Variants in CEMIP observed in about 807,000 individuals in gnomAD.
CEMIP encodes the protein cell migration-inducing and hyaluronan-binding protein.
A neutral mutation model predicts 156.9 loss-of-function variants in CEMIP; 105 were observed. The ratio of observed to expected loss-of-function variants is 0.67; its 90% confidence interval spans 0.57 to 0.79. The LOEUF (loss-of-function observed/expected upper bound fraction) is 0.79. Among genes scored for constraint, CEMIP ranks in the 30% least tolerant of loss-of-function variants. The pLI, the probability that CEMIP is intolerant of heterozygous loss-of-function variation, is 0.00. For synonymous variants in CEMIP, 676 were observed against 668.4 expected (o/e 1.01, Z -0.17); for missense variants, 1,457 against 1,769.4 (o/e 0.82, Z 3.17).
intron 1 of CEMIP, among the ~76,000 whole-genome samples, chr15:80,866,622 AAT>A (rs1898134799): frequency 6.7e-6 from 1 of 148,158 alleles, no homozygotes; most frequent in South Asian, 2.1e-4. Context: ...TAAATAAATA[AAT>A]AAATAAATAA....
At chr15:80,915,823 G>T (rs978002454) in intron 14 of CEMIP, among the ~76,000 whole-genome samples, 1 of 136,354 alleles carries the variant, frequency 7.3e-6, no homozygotes, top group African/African-American at 2.5e-5. Context: ...GTTTTAATCT[G>T]CATATTCAAA....
At chr15:80,837,109 C>G (rs1897286995) in intron 1 of CEMIP, among the ~76,000 whole-genome samples, 1 of 152,186 alleles carries the variant, frequency 6.6e-6, no homozygotes, top group Non-Finnish European at 1.5e-5. Flanking sequence ...GTGTCTGGCC[C>G]CCAGCACAGG....
chr15:80,807,579 T>G (rs1896545286), intron 1 of CEMIP, among the ~76,000 whole-genome samples: 1 of 152,128 alleles, frequency 6.6e-6, no homozygotes, highest in African/African-American at 2.4e-5. Context: ...AAAGACAGAT[T>G]GGATCCAAAT....
At chr15:80,907,434 C>T (rs893308281) in intron 13 of CEMIP, among the ~76,000 whole-genome samples, 1 of 152,136 alleles carries the variant, frequency 6.6e-6, no homozygotes, top group Non-Finnish European at 1.5e-5. Context: ...TGGTGGCGGG[C>T]GCCTGTAATC....
rs141181006 is a variant in CEMIP, at chr15:80,869,189, A to G, written c.-175-4349A>G. Reference sequence around the variant, plus strand: ...CTCTTCTTATGAGGACACCAGTCATATTGGATTAGGGCCCACCCGTATGAC... The same window carrying G: ...CTCTTCTTATGAGGACACCAGTCATGTTGGATTAGGGCCCACCCGTATGAC... On this transcript the variant is annotated intron_variant, in intron 1 of 29. Coordinates refer to ENST00000394685, the MANE Select transcript of CEMIP (RefSeq NM_001293298.2). Among the ~76,000 whole-genome samples the G allele has an allele frequency of 3.8e-3, 575 of 152,240 alleles. 1 individual carries two copies. The highest frequency in any genetic ancestry group is 0.013 in the African/African-American group (543 of 41,550).
chr15:80,877,915 G>A (rs1898526908), intron 3 of CEMIP, among the ~76,000 whole-genome samples: 1 of 152,224 alleles, frequency 6.6e-6, no homozygotes, highest in Admixed American at 6.5e-5. Context: ...GAATGGTCCT[G>A]GCAGCCTTCC....
intron 14 of CEMIP, among the ~76,000 whole-genome samples, chr15:80,912,201 G>A (rs541884990): frequency 3.9e-5 from 6 of 152,318 alleles, no homozygotes; most frequent in African/African-American, 7.2e-5. Flanking sequence ...TGAGAGATGC[G>A]TGGGGCAAGA....
At position 80,884,288 on chromosome 15, in the gene CEMIP, T is replaced by C; in HGVS notation, c.731T>C (p.Leu244Pro). Residue 244 changes from leucine to proline, a missense_variant, in exon 7 of 30, where the codon CTG becomes CCG. This residue lies in a region of CEMIP where 309 missense variants were observed against 340.8 expected (regional missense o/e 0.91). Transcript: ENST00000394685. ...VAVNDEGSRN[L>P]DDMARKAMTK... ...GTGAATGATGAAGGTTCTCGAAATC[T>C]GGATGACATGGCCAGGAAGGCGATG... 1.9e-6 allele frequency: 3 copies of C among 1,614,230 alleles called. No homozygotes were observed. Among genetic ancestry groups the C allele is most frequent in the Non-Finnish European group, 2.5e-6 (3 of 1,180,038 alleles).
Position 80,951,321 on chromosome 15 carries a change from A to C in CEMIP, c.*2397A>C, listed in dbSNP as rs1394047276. 6.6e-6 allele frequency: 1 copy of C among 152,594 alleles called. No homozygotes were observed. The highest frequency in any genetic ancestry group is 1.5e-5 in the Non-Finnish European group (1 of 68,030). The allele number at this position is 152,594 out of a possible 1,614,324, so 9.5% of individuals were successfully genotyped here. ...TTCACAGTACAGGATCTGTACATAA[A>C]AGTTTCTTTCCTAAACCATTCACCA... On this transcript the variant is annotated 3_prime_UTR_variant, in exon 30 of 30. Transcript: ENST00000394685.
At chr15:80,944,381 T>G (rs998784567) in intron 28 of CEMIP, among the ~76,000 whole-genome samples, 1 of 152,186 alleles carries the variant, frequency 6.6e-6, no homozygotes, top group South Asian at 2.1e-4. Flanking sequence ...CTTCTCAATG[T>G]TGGGGCCATG....
intron 29 of CEMIP, chr15:80,947,727 T>A (rs1901623736): frequency 6.5e-6 from 1 of 153,668 alleles, no homozygotes; most frequent in Non-Finnish European, 1.4e-5. Context: ...TAATGATCAT[T>A]GTGGTTGCTA....
intron 1 of CEMIP, among the ~76,000 whole-genome samples, chr15:80,867,804 T>C (rs1898170287): frequency 6.6e-6 from 1 of 152,070 alleles, no homozygotes; most frequent in Non-Finnish European, 1.5e-5. Flanking sequence ...ACCAGAGAGA[T>C]GCATTTTTCT....
chr15:80,856,987 G>C (rs1324728275), intron 1 of CEMIP, among the ~76,000 whole-genome samples: 1 of 152,164 alleles, frequency 6.6e-6, no homozygotes, highest in African/African-American at 2.4e-5. Context: ...GCTTCCTGTA[G>C]GTGTATTTGA....
chr15:80,801,605 G>T (rs1297260926), intron 1 of CEMIP, among the ~76,000 whole-genome samples: 1 of 152,186 alleles, frequency 6.6e-6, no homozygotes, highest in Non-Finnish European at 1.5e-5. Context: ...ACCTTTTAAT[G>T]GGAGAAGCTG....
intron 1 of CEMIP, among the ~76,000 whole-genome samples, chr15:80,804,739 A>G (rs919155645): frequency 2.0e-5 from 3 of 152,234 alleles, no homozygotes; most frequent in African/African-American, 7.2e-5. Context: ...ATGTCACAGC[A>G]AACTCATCTT....
At position 80,948,857 on chromosome 15, in the gene CEMIP, C is replaced by T. The variant is rs56060485; in HGVS notation, c.4019C>T (p.Thr1340Ile). The change falls in exon 30 of 30, where the codon ACT (threonine) becomes ATT (isoleucine). Residue 1340 changes from threonine to isoleucine, a missense_variant. By Grantham distance (89) the Thr-to-Ile change is moderately conservative. Transcript: ENST00000394685. ...SFRPIWVTLDTEDHKAKIFQV... is the reference protein window; with the variant it reads ...SFRPIWVTLDIEDHKAKIFQV... ...CGGCCCATCTGGGTGACACTGGACACTGAGGATCACAAAGCCAAAATCTTC... is the reference window on the plus strand; with the variant it reads ...CGGCCCATCTGGGTGACACTGGACATTGAGGATCACAAAGCCAAAATCTTC... 8 of 1,614,092 alleles carry T rather than the reference C, an allele frequency of 5.0e-6. No homozygotes were observed. Among genetic ancestry groups the T allele is most frequent in the African/African-American group, 1.3e-5 (1 of 74,938 alleles).
intron 1 of CEMIP, among the ~76,000 whole-genome samples, chr15:80,801,191 AC>A: frequency 6.6e-6 from 1 of 151,780 alleles, no homozygotes; most frequent in South Asian, 2.1e-4. Flanking sequence ...GTAATAAACC[AC>A]CCCCAAGGCA....
At chr15:80,812,158 C>A (rs544154338) in intron 1 of CEMIP, among the ~76,000 whole-genome samples, 1 of 152,240 alleles carries the variant, frequency 6.6e-6, no homozygotes, top group Non-Finnish European at 1.5e-5. Context: ...GGATTACAGG[C>A]GCATGACACC....
intron 12 of CEMIP, among the ~76,000 whole-genome samples, chr15:80,899,679 AG>A (rs1285670313): frequency 6.6e-6 from 1 of 152,164 alleles, no homozygotes; most frequent in East Asian, 1.9e-4. Context: ...GGTGCAGTTA[AG>A]GGCTTTATTC....
Sources: gnomAD v4.1 joint callset for allele counts (sites outside exome capture counted in the v4.1 genomes callset) on GRCh38, gnomAD v4.1.1 for gene constraint, gnomAD v4.1.1 regional missense constraint, MANE v1.5 for transcripts, NCBI Gene and HGNC (gene_info 2026-07-23, HGNC 2026-07-21) for gene names.